Variants in AGMAT observed in about 807,000 individuals in gnomAD.
The protein encoded by AGMAT is agmatinase (putative).
In AGMAT, 37 loss-of-function variants were observed where a neutral mutation model predicts 29.3. The observed-to-expected ratio is 1.26, with a 90% confidence interval of 0.97 to 1.66. The LOEUF (loss-of-function observed/expected upper bound fraction) is 1.66, where lower values mean the gene tolerates loss of function less well. Among genes scored for constraint, AGMAT ranks in the 40% most tolerant of loss-of-function variants. AGMAT has a pLI of 0.00. For missense variants in AGMAT, 498 were observed against 497.8 expected, an observed-to-expected ratio of 1.00 and a Z score of 0.00; for synonymous variants, 199 against 200.8, an observed-to-expected ratio of 0.99 and a Z score of 0.08.
Position 15,584,778 on chromosome 1 carries a change from C to T in AGMAT, c.190G>A (p.Val64Met). The T allele has an allele frequency of 7.2e-7, 1 of 1,381,196 alleles. No homozygotes were observed. Among genetic ancestry groups the T allele is most frequent in the Admixed American group, 3.2e-5 (1 of 31,682 alleles). 85.6% of individuals were successfully genotyped at this position (1,381,196 alleles called of 1,614,324 possible). The change falls in exon 1 of 7, where the codon GTG (valine) becomes ATG (methionine). Residue 64 changes from valine to methionine, a missense_variant. Val to Met is a conservative substitution (Grantham distance 21). Transcript: ENST00000375826. ...TCCAGCCCCTCGGGGGAGGTCTGCA[C>T]CGGCAGGCGCATCATGGAGCAGACG... ...VGVCSMMRLP[V>M]QTSPEGLDAA...
intron 2 of AGMAT, among the ~76,000 whole-genome samples, chr1:15,581,276 G>A (rs1009182455): frequency 6.6e-6 from 1 of 151,888 alleles, no homozygotes; most frequent in Non-Finnish European, 1.5e-5. Context: ...TGAGCCCAGG[G>A]AGGGCAAGGT....
chr1:15,574,858 C>CT lies in AGMAT; in HGVS notation c.901-18dup. On this transcript the variant is annotated splice_polypyrimidine_tract_variant and intron_variant, in intron 5 of 6. Coordinates refer to ENST00000375826, the MANE Select transcript of AGMAT (RefSeq NM_024758.5). Reference sequence around the variant, plus strand: ...CTCCAGAGCCTATTCAAGATCAAGACTGAGTTGTCCACAGTGGTAATCATT... The same window carrying CT: ...CTCCAGAGCCTATTCAAGATCAAGACTTGAGTTGTCCACAGTGGTAATCATT... 1 of 1,603,058 alleles carries CT rather than the reference C, an allele frequency of 6.2e-7. No homozygotes were observed. Among genetic ancestry groups the CT allele is most frequent in the East Asian group, 2.2e-5 (1 of 44,780 alleles).
rs1476537974 is a variant in AGMAT at position 15,573,384 on chromosome 1, C to G, written c.*267G>C. ...CTTGAAAGAAATTCTCCTCACTTCC[C>G]CTTTATCCTCCATCTTTCATCAAAG... is the stretch of plus-strand genomic sequence containing the variant. On this transcript the variant is annotated 3_prime_UTR_variant, in exon 7 of 7. Transcript: ENST00000375826. 7.9e-6 allele frequency: 3 copies of G among 377,854 alleles called. No homozygotes were observed. The highest frequency in any genetic ancestry group is 3.9e-5 in the Admixed American group (1 of 25,744). The allele number at this position is 377,854 out of a possible 1,614,324, so 23.4% of individuals were successfully genotyped here.
intron 2 of AGMAT, among the ~76,000 whole-genome samples, chr1:15,580,867 C>T (rs138764154): frequency 0.059 from 8,979 of 151,738 alleles, 360 homozygotes; most frequent in South Asian, 0.087. Flanking sequence ...CCCGGCTACT[C>T]TGGAGGCTGA....
intron 2 of AGMAT, among the ~76,000 whole-genome samples, chr1:15,582,040 G>A (rs932575853): frequency 2.7e-5 from 4 of 150,888 alleles, no homozygotes; most frequent in African/African-American, 9.8e-5. Context: ...AGGCCGAGGT[G>A]GGCAGATCAC....
intron 2 of AGMAT, among the ~76,000 whole-genome samples, chr1:15,581,312 G>A (rs967734265): frequency 6.6e-6 from 1 of 152,044 alleles, no homozygotes; most frequent in Admixed American, 6.6e-5. Flanking sequence ...CGGCACCACT[G>A]CACTCCAGCC....
Position 15,584,939 on chromosome 1 carries a change from G to T in AGMAT, c.29C>A (p.Ala10Asp). ...GCCCACGCCGGGCCCCGGGCCCCGG[G>T]CGCACCCGGACGCCAGCAGCCTCAG... MLRLLASGC[A>D]RGPGPGVGAR... The change falls in exon 1 of 7, where the codon GCC becomes GAC. Residue 10 changes from alanine to aspartate, a missense_variant. Physicochemically the swap from Ala to Asp is moderately radical, Grantham distance 126. Coordinates refer to ENST00000375826, the MANE Select transcript of AGMAT (RefSeq NM_024758.5). 1.5e-6 allele frequency: 2 copies of T among 1,366,158 alleles called. No individual in the cohort carries two copies. Among genetic ancestry groups the T allele is most frequent in the East Asian group, 3.1e-5 (1 of 32,530 alleles). 84.6% of individuals were successfully genotyped at this position (1,366,158 alleles called of 1,614,324 possible).
chr1:15,581,279 G>C (rs558184948), intron 2 of AGMAT, among the ~76,000 whole-genome samples: 1 of 151,950 alleles, frequency 6.6e-6, no homozygotes, highest in South Asian at 2.1e-4. Flanking sequence ...GCCCAGGGAG[G>C]GCAAGGTTGC....
At chr1:15,576,425 G>T (rs775906993) in intron 5 of AGMAT, among the ~76,000 whole-genome samples, 24 of 147,692 alleles carry the variant, frequency 1.6e-4, no homozygotes, top group African/African-American at 5.3e-4. Context: ...TTTTTGTTTG[G>T]TTGGTTGGTT....
At chr1:15,582,773 G>A (rs916678801) in intron 2 of AGMAT, among the ~76,000 whole-genome samples, 8 of 152,194 alleles carry the variant, frequency 5.3e-5, no homozygotes, top group African/African-American at 1.4e-4. Context: ...CAAGGTGGGC[G>A]GATCACTTGA....
Position 15,573,586 on chromosome 1 carries a change from A to G in AGMAT, c.*65T>C. ...AAACTCTTTAGTTCTCAGACTGCTT[A>G]CTCATAAGTTCTTCTTGAGAACTTG... is the stretch of plus-strand genomic sequence containing the variant. On this transcript the variant is annotated 3_prime_UTR_variant, in exon 7 of 7. Coordinates refer to ENST00000375826, the MANE Select transcript of AGMAT (RefSeq NM_024758.5). 1 of 1,451,042 alleles carries G rather than the reference A, an allele frequency of 6.9e-7. No homozygotes were observed. The highest frequency in any genetic ancestry group is 2.3e-5 in the East Asian group (1 of 44,024). The allele number at this position is 1,451,042 out of a possible 1,614,324, so 89.9% of individuals were successfully genotyped here. A position where few individuals can be genotyped will look rare whatever the true frequency, so the allele number is the denominator to read the frequency against.
chr1:15,583,469 A>G, intron 1 of AGMAT, 74 bp from the exon 2 acceptor site: 2 of 1,414,110 alleles, frequency 1.4e-6, no homozygotes, highest in East Asian at 2.5e-5. Context: ...AGGGCTTCTC[A>G]GCCTCAGCAA....
In AGMAT at chr1:15,573,489, G is replaced by C; in HGVS notation, c.*162C>G. 1.7e-6 allele frequency: 1 copy of C among 584,304 alleles called. No individual in the cohort carries two copies. The highest frequency in any genetic ancestry group is 3.1e-6 in the Non-Finnish European group (1 of 323,930). 36.2% of individuals were successfully genotyped at this position (584,304 alleles called of 1,614,324 possible). On this transcript the variant is annotated 3_prime_UTR_variant, in exon 7 of 7. Coordinates refer to ENST00000375826, the MANE Select transcript of AGMAT (RefSeq NM_024758.5). Reference sequence around the variant, plus strand: ...AGTTCCTTAGAAATGTTGCTGTTTGGGTGAGAATTCTACTGATTATCCCGA... The same window carrying C: ...AGTTCCTTAGAAATGTTGCTGTTTGCGTGAGAATTCTACTGATTATCCCGA...
intron 6 of AGMAT, among the ~76,000 whole-genome samples, 182 bp downstream of exon 6, chr1:15,574,575 G>A (rs780783495): frequency 2.6e-5 from 4 of 151,836 alleles, no homozygotes; most frequent in Non-Finnish European, 4.4e-5. Context: ...ATGGGGTTTC[G>A]CCATGTTGGC....
At position 15,580,153 on chromosome 1, in the gene AGMAT, G is replaced by A; in HGVS notation, c.476-11C>T. ...TTGTGTGATCTCCACCTGCAAAGAG[G>A]AAGAAGAAAACATCTGGAAAGTGAA... On this transcript the variant is annotated splice_polypyrimidine_tract_variant and intron_variant, in intron 2 of 6. Transcript: ENST00000375826. 1.9e-6 allele frequency: 3 copies of A among 1,600,084 alleles called. No individual in the cohort carries two copies. The highest frequency in any genetic ancestry group is 2.6e-6 in the Non-Finnish European group (3 of 1,168,362).
In AGMAT at chr1:15,573,543, A is replaced by T; in HGVS notation, c.*108T>A. The T allele has an allele frequency of 1.0e-6, 1 of 993,440 alleles. No homozygotes were observed. Among genetic ancestry groups the T allele is most frequent in the Non-Finnish European group, 1.6e-6 (1 of 643,636 alleles). The allele number at this position is 993,440 out of a possible 1,614,324, so 61.5% of individuals were successfully genotyped here. ...CACAGCCAGCAATGACACTTTCAGCAGAAAGTTTTCTTGGCATAAACTCTT... is the reference window on the plus strand; with the variant it reads ...CACAGCCAGCAATGACACTTTCAGCTGAAAGTTTTCTTGGCATAAACTCTT... On this transcript the variant is annotated 3_prime_UTR_variant, in exon 7 of 7. Coordinates refer to ENST00000375826, the MANE Select transcript of AGMAT (RefSeq NM_024758.5).
chr1:15,581,686 C>T (rs1213991033), intron 2 of AGMAT, among the ~76,000 whole-genome samples: 1 of 151,772 alleles, frequency 6.6e-6, no homozygotes, highest in African/African-American at 2.4e-5. Flanking sequence ...CCAGCCTTGC[C>T]AACATGTTGA....
chr1:15,573,389 A>G lies in AGMAT; in HGVS notation c.*262T>C. ...AAGAAATTCTCCTCACTTCCCCTTT[A>G]TCCTCCATCTTTCATCAAAGGAAAA... On this transcript the variant is annotated 3_prime_UTR_variant, in exon 7 of 7. Transcript: ENST00000375826. The G allele has an allele frequency of 2.6e-6, 1 of 387,116 alleles. No homozygotes were observed. The highest frequency in any genetic ancestry group is 4.3e-5 in the East Asian group (1 of 23,346). 24.0% of individuals were successfully genotyped at this position (387,116 alleles called of 1,614,324 possible). A position where few individuals can be genotyped will look rare whatever the true frequency, so the allele number is the denominator to read the frequency against.
Position 15,572,172 on chromosome 1 carries a change from G to A in AGMAT, c.*1479C>T, listed in dbSNP as rs1031888543. 1.0e-4 allele frequency among the ~76,000 whole-genome samples: 15 copies of A among 143,906 alleles called. No homozygotes were observed. The highest frequency in any genetic ancestry group is 4.1e-4 in the Admixed American group (6 of 14,470). 94.4% of individuals were successfully genotyped at this position (143,906 alleles called of 152,430 possible). On this transcript the variant is annotated 3_prime_UTR_variant, in exon 7 of 7. Coordinates refer to ENST00000375826, the MANE Select transcript of AGMAT (RefSeq NM_024758.5). ...AAAAAAAAAAAAAAAAAAAAGCCCA[G>A]CTGACATTTTCCAGTTTTGTTTTGT...
Sources: gnomAD v4.1 joint callset for allele counts (sites outside exome capture counted in the v4.1 genomes callset) on GRCh38, gnomAD v4.1.1 for gene constraint, MANE v1.5 for transcripts, NCBI Gene and HGNC (gene_info 2026-07-23, HGNC 2026-07-21) for gene names.